FMNL1: variants seen among roughly 807,000 people sequenced by gnomAD.
FMNL1 encodes the protein formin like 1.
A neutral mutation model predicts 121.3 loss-of-function variants in FMNL1; 43 were observed. The ratio of observed to expected loss-of-function variants is 0.35; its 90% CI spans 0.28 to 0.46. The LOEUF (loss-of-function observed/expected upper bound fraction) is 0.46, where lower values mean the gene tolerates loss of function less well. Ranked by LOEUF, FMNL1 falls within the 20% of genes least tolerant of loss-of-function variation. The pLI is 1.00. For synonymous variants in FMNL1, 613 were observed against 613.5 expected (o/e 1.00, Z 0.01); for missense variants, 1,191 against 1,482.4 (o/e 0.80, Z 3.23).
At chr17:45,243,457 G>C in intron 17 of FMNL1, 137 bp downstream of exon 17, 2 of 1,078,792 alleles carry the variant, frequency 1.9e-6, no homozygotes, top group East Asian at 2.6e-5. Flanking sequence ...CAGGAAACTT[G>C]TCCCCATTTT....
Position 45,243,398 on chromosome 17 carries a change from A to G in FMNL1, c.2213+78A>G, listed in dbSNP as rs570592552. The G allele has an allele frequency of 2.0e-4, 308 of 1,517,762 alleles. 1 individual carries two copies. In the East Asian group the frequency reaches 4.1e-3, roughly 20 times the overall value. 94.0% of individuals were successfully genotyped at this position (1,517,762 alleles called of 1,614,324 possible). ...GGGTTGTCAGGCAGATCCTAGTAAA[A>G]GAGCCTCAATGGTGAGCTCTTTCAT... On this transcript the variant is annotated intron_variant, in intron 17 of 26. Transcript: ENST00000331495.
Position 45,237,371 on chromosome 17 carries a change from C to A in FMNL1, c.800+14C>A. On this transcript the variant is annotated intron_variant, in intron 8 of 26. Coordinates refer to ENST00000331495, the MANE Select transcript of FMNL1 (RefSeq NM_005892.4). The surrounding 1 kb of genome is among the most constrained non-coding windows in gnomAD (Gnocchi z 4.4). The stretch of plus-strand genomic sequence containing the variant: ...CAAGAACCCCAGGTGAGGTCCAGGC[C>A]CCAAACCTTTCTCCGTATCTAGAGT... 1 of 1,614,048 alleles carries A rather than the reference C, an allele frequency of 6.2e-7. No individual in the cohort carries two copies. Among genetic ancestry groups the A allele is most frequent in the Non-Finnish European group, 8.5e-7 (1 of 1,179,956 alleles).
chr17:45,239,560 G>A (rs1180667903), intron 11 of FMNL1, among the ~76,000 whole-genome samples: 1 of 152,224 alleles, frequency 6.6e-6, no homozygotes, highest in African/African-American at 2.4e-5. Flanking sequence ...CAGAGAAGCT[G>A]CAGCTCCTTC....
In FMNL1 at chr17:45,237,594, GGGA is replaced by G. The variant is rs1213214009; in HGVS notation, c.853_855del (p.Gly285del). 1.2e-6 allele frequency: 2 copies of G among 1,614,174 alleles called. No homozygotes were observed. Among genetic ancestry groups the G allele is most frequent in the Middle Eastern group, 1.6e-4 (1 of 6,062 alleles). ...TGCTGGCGGCCGTGTGCTTGGTGCGGGGAGGACATGACATCATCCTTGCAGCCT... is the reference window on the plus strand; with the variant it reads ...TGCTGGCGGCCGTGTGCTTGGTGCGGGGACATGACATCATCCTTGCAGCCT... On this transcript the variant is annotated inframe_deletion, in exon 9 of 27. Transcript: ENST00000331495. The surrounding 1 kb of genome is among the most constrained non-coding windows in gnomAD (Gnocchi z 4.4).
chr17:45,232,233 G>T, intron 2 of FMNL1, 134 bp from the exon 3 acceptor site: 1 of 719,840 alleles, frequency 1.4e-6, no homozygotes, highest in Non-Finnish European at 2.4e-6. Context: ...TTATACCTTT[G>T]GTATTTCAGA....
At chr17:45,229,471 G>A (rs1034094288) in intron 1 of FMNL1, among the ~76,000 whole-genome samples, 2 of 152,348 alleles carry the variant, frequency 1.3e-5, no homozygotes, top group East Asian at 1.9e-4. Flanking sequence ...GGTGTGGAGC[G>A]TGAACCACCA....
intron 11 of FMNL1, among the ~76,000 whole-genome samples, chr17:45,239,891 G>C (rs1377504491): frequency 6.6e-6 from 1 of 151,756 alleles, no homozygotes; most frequent in Non-Finnish European, 1.5e-5. Context: ...TGCCTCCCGG[G>C]TTCAAGTGAT....
Position 45,233,968 on chromosome 17 carries a change from T to A in FMNL1, c.486-104T>A. ...CAAGAACACAGCCTCCTCCTCCTGC[T>A]CCTTAGTCTCACCTGCAGGTCTGTC... is the stretch of plus-strand genomic sequence containing the variant. On this transcript the variant is annotated intron_variant, in intron 5 of 26. Transcript: ENST00000331495. The surrounding 1 kb of genome is among the most constrained non-coding windows in gnomAD (Gnocchi z 4.1). The A allele has an allele frequency of 6.7e-7, 1 of 1,485,462 alleles. No homozygotes were observed. The highest frequency in any genetic ancestry group is 1.3e-5 in the South Asian group (1 of 76,080). The allele number at this position is 1,485,462 out of a possible 1,614,324, so 92.0% of individuals were successfully genotyped here. A position where few individuals can be genotyped will look rare whatever the true frequency, so the allele number is the denominator to read the frequency against.
chr17:45,230,699 C>T lies in FMNL1; in HGVS notation c.213+12C>T, dbSNP rs767400492. The T allele has an allele frequency of 1.2e-6, 2 of 1,613,024 alleles. No homozygotes were observed. The highest frequency in any genetic ancestry group is 1.1e-5 in the South Asian group (1 of 91,058). On this transcript the variant is annotated intron_variant, in intron 2 of 26. Transcript: ENST00000331495. ...TCATCTGTGATCAGGTAGGTGCCAG[C>T]ACTGCCCAGCCACCCCTTCCCTCCC...
Position 45,237,752 on chromosome 17 carries a change from T to C in FMNL1, c.894+113T>C, listed in dbSNP as rs1333765507. On this transcript the variant is annotated intron_variant, in intron 9 of 26. Transcript: ENST00000331495. The surrounding 1 kb of genome is among the most constrained non-coding windows in gnomAD (Gnocchi z 4.4). The stretch of plus-strand genomic sequence containing the variant: ...CAGCTGGGGACATTGGGTGGGCATT[T>C]GGGGAACGCCCAAAAGTTGAAGTTG... The C allele has an allele frequency of 2.6e-6, 3 of 1,164,156 alleles. No homozygotes were observed. The highest frequency in any genetic ancestry group is 3.9e-5 in the Admixed American group (2 of 51,408). 72.1% of individuals were successfully genotyped at this position (1,164,156 alleles called of 1,614,324 possible). A position where few individuals can be genotyped will look rare whatever the true frequency, so the allele number is the denominator to read the frequency against.
rs1286025857 is a variant in FMNL1 at position 45,236,126 on chromosome 17, C to T, written c.615-10C>T. On this transcript the variant is annotated splice_polypyrimidine_tract_variant and intron_variant, in intron 6 of 26. Transcript: ENST00000331495. ...TCTGACTCCTGCTGCCTCCTCCACA[C>T]CCCGCCCAGGCTGACCCCAGCCCAC... The T allele has an allele frequency of 1.2e-6, 2 of 1,608,276 alleles. No individual in the cohort carries two copies. Among genetic ancestry groups the T allele is most frequent in the East Asian group, 2.2e-5 (1 of 44,848 alleles).
At position 45,240,584 on chromosome 17, in the gene FMNL1, G is replaced by A; in HGVS notation, c.1189G>A (p.Val397Met). The A allele has an allele frequency of 6.2e-7, 1 of 1,613,954 alleles. No individual in the cohort carries two copies. Among genetic ancestry groups the A allele is most frequent in the Non-Finnish European group, 8.5e-7 (1 of 1,179,962 alleles). Residue 397 changes from valine (V) to methionine (M), a missense_variant, in exon 12 of 27, where the codon GTG (valine) becomes ATG (methionine). Coordinates refer to ENST00000331495, the MANE Select transcript of FMNL1 (RefSeq NM_005892.4). ...LLEDTETKNA[V>M]LEHMEELQEQ... ...GGAGGACACAGAGACCAAGAACGCTGTGCTGGAGCACATGGAGGAACTGCA... is the reference window on the plus strand; with the variant it reads ...GGAGGACACAGAGACCAAGAACGCTATGCTGGAGCACATGGAGGAACTGCA...
intron 1 of FMNL1, among the ~76,000 whole-genome samples, chr17:45,224,525 T>A (rs753547612): frequency 6.6e-6 from 1 of 152,110 alleles, no homozygotes; most frequent in Non-Finnish European, 1.5e-5. Context: ...CCCTCAGGGA[T>A]GTAGTCCAGC....
In FMNL1 at chr17:45,233,421, T is replaced by A; in HGVS notation, c.401+124T>A. ...AAGGCTGTGCTTGTGGACCACCTCC[T>A]GGAGGTGTCCAGGACAGCTTCCCCT... On this transcript the variant is annotated intron_variant, in intron 4 of 26. Transcript: ENST00000331495. This position sits in a 1 kb window ranked among gnomAD's most constrained non-coding sequence, Gnocchi z 4.1. 1 of 1,092,718 alleles carries A rather than the reference T, an allele frequency of 9.2e-7. No homozygotes were observed. The highest frequency in any genetic ancestry group is 1.3e-6 in the Non-Finnish European group (1 of 766,758). The allele number at this position is 1,092,718 out of a possible 1,614,324, so 67.7% of individuals were successfully genotyped here. A position where few individuals can be genotyped will look rare whatever the true frequency, so the allele number is the denominator to read the frequency against.
In FMNL1 at chr17:45,237,707, G is replaced by A. The variant is rs2043582567; in HGVS notation, c.894+68G>A. ...GTTGCTTGGAGTCTTGTTGTTGGCA[G>A]TTGTGGCCTTTGCTGGAGGCAGCTG... On this transcript the variant is annotated intron_variant, in intron 9 of 26. Coordinates refer to ENST00000331495, the MANE Select transcript of FMNL1 (RefSeq NM_005892.4). The surrounding 1 kb of genome is among the most constrained non-coding windows in gnomAD (Gnocchi z 4.4). The A allele has an allele frequency of 2.6e-6, 4 of 1,563,636 alleles. No homozygotes were observed. Among genetic ancestry groups the A allele is most frequent in the Non-Finnish European group, 3.5e-6 (4 of 1,137,224 alleles).
intron 17 of FMNL1, 49 bp downstream of exon 17, chr17:45,243,369 G>C: frequency 6.3e-7 from 1 of 1,596,722 alleles, no homozygotes; most frequent in Non-Finnish European, 8.6e-7. Flanking sequence ...CCTTTGCTAG[G>C]CTGGGGTTGT....
chr17:45,222,710 G>C (rs2043254193), intron 1 of FMNL1, among the ~76,000 whole-genome samples: 1 of 152,184 alleles, frequency 6.6e-6, no homozygotes, highest in South Asian at 2.1e-4. Context: ...CTGATTTGTT[G>C]GGCGCCTGGG....
chr17:45,246,815 C>A, intron 26 of FMNL1, 52 bp from the exon 27 acceptor site: 1 of 699,344 alleles, frequency 1.4e-6, no homozygotes, highest in Non-Finnish European at 2.6e-6. Context: ...GAGCCATGCT[C>A]CCAGCTCTGG....
Position 45,247,181 on chromosome 17 carries a change from C to T in FMNL1, c.*323C>T, listed in dbSNP as rs1323430291. 4 of 562,762 alleles carry T rather than the reference C, an allele frequency of 7.1e-6. No homozygotes were observed. Among genetic ancestry groups the T allele is most frequent in the Non-Finnish European group, 1.3e-5 (4 of 314,202 alleles). The allele number at this position is 562,762 out of a possible 1,614,324, so 34.9% of individuals were successfully genotyped here. A position where few individuals can be genotyped will look rare whatever the true frequency, so the allele number is the denominator to read the frequency against. Reference sequence around the variant, plus strand: ...GCTTGCAGCACCCACCCTAAAGCCCCCTCCAAATAGCCATACTTAGCCTCA... The same window carrying T: ...GCTTGCAGCACCCACCCTAAAGCCCTCTCCAAATAGCCATACTTAGCCTCA... On this transcript the variant is annotated 3_prime_UTR_variant, in exon 27 of 27. Transcript: ENST00000331495.
Sources: gnomAD v4.1 joint callset for allele counts (sites outside exome capture counted in the v4.1 genomes callset) on GRCh38, gnomAD v4.1.1 for gene constraint, Gnocchi (gnomAD v3.1) non-coding constraint, MANE v1.5 for transcripts, NCBI Gene and HGNC (gene_info 2026-07-23, HGNC 2026-07-21) for gene names.